HCN2: variants seen among roughly 807,000 people sequenced by gnomAD.
The protein encoded by HCN2 is hyperpolarization activated cyclic nucleotide gated potassium and sodium channel 2.
HCN2 carries 20 observed loss-of-function variants against 52.3 expected under a neutral mutation model. The observed-to-expected ratio is 0.38, with a 90% CI of 0.27 to 0.56. The LOEUF (loss-of-function observed/expected upper bound fraction) is 0.56. Among genes scored for constraint, HCN2 ranks in the 20% least tolerant of loss-of-function variants. The pLI is 0.71. For synonymous variants in HCN2, 694 were observed against 537.0 expected (o/e 1.29, Z -4.04); for missense variants, 981 against 1,207.7 (o/e 0.81, Z 2.78).
chr19:613,818 C>T lies in HCN2; in HGVS notation c.1826-34C>T, dbSNP rs200565536. ...GCGGGGAGGGCCGCGGCGCCCGCCTCGTCCAGCAACCCCCCCCTGCGCGCC... is the reference window on the plus strand; with the variant it reads ...GCGGGGAGGGCCGCGGCGCCCGCCTTGTCCAGCAACCCCCCCCTGCGCGCC... On this transcript the variant is annotated intron_variant, in intron 6 of 7. Coordinates refer to ENST00000251287, the MANE Select transcript of HCN2 (RefSeq NM_001194.4). The T allele has an allele frequency of 2.1e-4, 315 of 1,479,892 alleles. 4 individuals are homozygous for T. The South Asian group carries it at 2.6e-3, about 12-fold the overall frequency. 91.7% of individuals were successfully genotyped at this position (1,479,892 alleles called of 1,614,324 possible). A position where few individuals can be genotyped will look rare whatever the true frequency, so the allele number is the denominator to read the frequency against.
intron 1 of HCN2, among the ~76,000 whole-genome samples, chr19:603,098 A>G (rs1235345727): frequency 1.4e-5 from 2 of 145,526 alleles, no homozygotes. Flanking sequence ...GGCTGGTCCC[A>G]TAGGTGCCTG....
At chr19:595,927 C>A (rs756755381) in intron 1 of HCN2, among the ~76,000 whole-genome samples, 2 of 152,188 alleles carry the variant, frequency 1.3e-5, no homozygotes, top group Admixed American at 6.5e-5. Flanking sequence ...TGAGGCTGGG[C>A]TCCTGCGGGG....
chr19:602,633 T>A (rs1258949022), intron 1 of HCN2, among the ~76,000 whole-genome samples: 1 of 152,214 alleles, frequency 6.6e-6, no homozygotes, highest in African/African-American at 2.4e-5. Flanking sequence ...CCCTGCTGCT[T>A]CCCAGTGCCC....
rs565117674 is a variant in HCN2, at chr19:615,468, C to T, written c.1991-327C>T. On this transcript the variant is annotated intron_variant, in intron 7 of 7. Transcript: ENST00000251287. The stretch of plus-strand genomic sequence containing the variant: ...GGTGGACCTTGCAGTGGGCCGAGAT[C>T]GCGCCACTGCACTCCAGCCCGGGCG... Among the ~76,000 whole-genome samples, 11 of 152,294 alleles carry T rather than the reference C, an allele frequency of 7.2e-5. No individual in the cohort carries two copies. The East Asian group carries it at 2.1e-3, about 29-fold the overall frequency.
chr19:608,322 G>A (rs1307775479), intron 4 of HCN2, 140 bp downstream of exon 4: 1 of 770,760 alleles, frequency 1.3e-6, no homozygotes, highest in Non-Finnish European at 2.1e-6. Context: ...CTGGAGGGAG[G>A]CCTTGCCCTG....
At position 592,310 on chromosome 19, in the gene HCN2, C is replaced by T. The variant is rs1167763341; in HGVS notation, c.632+1733C>T. ...CAGGTGGAGGCCCACACCAGCCACTCCCTCCCCTGGGCAGCTCCAGCGACC... is the reference window on the plus strand; with the variant it reads ...CAGGTGGAGGCCCACACCAGCCACTTCCTCCCCTGGGCAGCTCCAGCGACC... On this transcript the variant is annotated intron_variant, in intron 1 of 7. Transcript: ENST00000251287. This position sits in a 1 kb window ranked among gnomAD's most constrained non-coding sequence, Gnocchi z 4.8. 1.3e-5 allele frequency among the ~76,000 whole-genome samples: 2 copies of T among 152,218 alleles called. No homozygotes were observed. The highest frequency in any genetic ancestry group is 2.9e-5 in the Non-Finnish European group (2 of 68,022).
At chr19:609,466 A>G (rs1320565027) in intron 4 of HCN2, among the ~76,000 whole-genome samples, 3 of 152,188 alleles carry the variant, frequency 2.0e-5, no homozygotes, top group African/African-American at 7.2e-5. Flanking sequence ...GGGTTGCTAG[A>G]TAAAGTTCAG....
chr19:603,429 A>C, intron 1 of HCN2, 115 bp from the exon 2 acceptor site: 2 of 739,808 alleles, frequency 2.7e-6, no homozygotes, highest in South Asian at 1.8e-5. Context: ...TCCTCGGAGG[A>C]GGCACTGGCT....
chr19:600,391 A>G (rs1444177837), intron 1 of HCN2, among the ~76,000 whole-genome samples: 12 of 151,452 alleles, frequency 7.9e-5, no homozygotes, highest in Admixed American at 7.9e-4. Flanking sequence ...GCCAGGCTGG[A>G]GTGCCATGGC....
intron 5 of HCN2, among the ~76,000 whole-genome samples, chr19:612,867 C>CG (rs1983704848): frequency 6.8e-6 from 1 of 147,318 alleles, no homozygotes; most frequent in African/African-American, 2.5e-5. Context: ...CCGGTAGAGA[C>CG]GGGGGTCTTA....
At chr19:604,986 G>A in intron 2 of HCN2, 75 bp from the exon 3 acceptor site, 11 of 1,475,560 alleles carry the variant, frequency 7.5e-6, no homozygotes, top group Middle Eastern at 2.5e-4. Context: ...CGCAGTGGGG[G>A]CGCACGGGGC....
rs201079443 is a variant in HCN2, at chr19:610,220, G to A, written c.1438-39G>A. The A allele has an allele frequency of 5.9e-5, 95 of 1,597,914 alleles. 1 individual carries two copies. The highest frequency in any genetic ancestry group is 5.0e-4 in the African/African-American group (36 of 71,870). On this transcript the variant is annotated intron_variant, in intron 4 of 7. Coordinates refer to ENST00000251287, the MANE Select transcript of HCN2 (RefSeq NM_001194.4). ...GGTGCCCCTGTGCCCGCTGCAGGCC[G>A]GGGGCGGTGTCTGACCCAGCCTCGC...
intron 4 of HCN2, 93 bp from the exon 5 acceptor site, chr19:610,166 C>G: frequency 6.8e-7 from 1 of 1,466,366 alleles, no homozygotes; most frequent in South Asian, 1.2e-5. Context: ...CGGTGTCTGA[C>G]CCAGCCTCGC....
intron 3 of HCN2, among the ~76,000 whole-genome samples, chr19:605,919 G>A (rs996813967): frequency 8.5e-5 from 13 of 152,144 alleles, no homozygotes; most frequent in Non-Finnish European, 1.3e-4. Context: ...CTGCAGCCCC[G>A]GCACTGGCCC....
rs1022070445 is a variant in HCN2 at position 610,381 on chromosome 19, C to T, written c.1560C>T (p.Gly520=). 5.6e-6 allele frequency: 9 copies of T among 1,613,348 alleles called. No homozygotes were observed. Among genetic ancestry groups the T allele is most frequent in the Admixed American group, 3.3e-5 (2 of 59,988 alleles). Residue 520 remains glycine, a synonymous_variant, in exon 5 of 8, where the codon GGC becomes GGT. Coordinates refer to ENST00000251287, the MANE Select transcript of HCN2 (RefSeq NM_001194.4). ...GKMFDEDSIL[G]ELNGPLREEI... ...TGTTTGACGAGGACAGCATCCTGGG[C>T]GAGCTCAACGGGCCCCTGCGGGAGG...
At chr19:612,005 C>T (rs957248331) in intron 5 of HCN2, among the ~76,000 whole-genome samples, 19 of 152,068 alleles carry the variant, frequency 1.2e-4, no homozygotes, top group African/African-American at 3.9e-4. Context: ...ATTAGCCGGG[C>T]GTGGTGGTGG....
In HCN2 at chr19:610,380, G is replaced by A; in HGVS notation, c.1559G>A (p.Gly520Asp). 5.0e-6 allele frequency: 8 copies of A among 1,613,608 alleles called. No homozygotes were observed. The highest frequency in any genetic ancestry group is 6.8e-6 in the Non-Finnish European group (8 of 1,179,730). Residue 520 changes from glycine to aspartate, a missense_variant, in exon 5 of 8, where the codon GGC (glycine) becomes GAC (aspartate). Around this residue, in one of 6 missense-constraint regions of HCN2, gnomAD observed 282 missense variants for 553.8 expected, o/e 0.51. Coordinates refer to ENST00000251287, the MANE Select transcript of HCN2 (RefSeq NM_001194.4). ...GKMFDEDSIL[G>D]ELNGPLREEI... is the part of the protein sequence containing the mutation. The stretch of plus-strand genomic sequence containing the variant: ...ATGTTTGACGAGGACAGCATCCTGG[G>A]CGAGCTCAACGGGCCCCTGCGGGAG...
chr19:590,167 G>A lies in HCN2; in HGVS notation c.222G>A (p.Arg74=). 1.0e-6 allele frequency: 1 copy of A among 977,662 alleles called. No individual in the cohort carries two copies. The allele number at this position is 977,662 out of a possible 1,614,324, so 60.6% of individuals were successfully genotyped here. A position where few individuals can be genotyped will look rare whatever the true frequency, so the allele number is the denominator to read the frequency against. ...EAADEGGPRG[R]LRSRDSSCGR... ...CGGATGAGGGCGGCCCGCGGGGCCG[G>A]CTCCGCAGCCGCGACAGCTCGTGCG... Residue 74 remains arginine (R), a synonymous_variant, in exon 1 of 8, where the codon CGG becomes CGA. Coordinates refer to ENST00000251287, the MANE Select transcript of HCN2 (RefSeq NM_001194.4). This position sits in a 1 kb window ranked among gnomAD's most constrained non-coding sequence, Gnocchi z 7.2.
In HCN2 at chr19:592,618, C is replaced by T. The variant is rs1982907170; in HGVS notation, c.632+2041C>T. Among the ~76,000 whole-genome samples, 1 of 152,066 alleles carries T rather than the reference C, an allele frequency of 6.6e-6. No homozygotes were observed. The highest frequency in any genetic ancestry group is 2.1e-4 in the South Asian group (1 of 4,826). ...GAATGGGGTTAGCGGGGCCTGTCTTCGGGACTAGGGGAGTCACGGCAGTCA... is the reference window on the plus strand; with the variant it reads ...GAATGGGGTTAGCGGGGCCTGTCTTTGGGACTAGGGGAGTCACGGCAGTCA... On this transcript the variant is annotated intron_variant, in intron 1 of 7. Coordinates refer to ENST00000251287, the MANE Select transcript of HCN2 (RefSeq NM_001194.4). This position sits in a 1 kb window ranked among gnomAD's most constrained non-coding sequence, Gnocchi z 4.8.
Sources: gnomAD v4.1 joint callset for allele counts (sites outside exome capture counted in the v4.1 genomes callset) on GRCh38, gnomAD v4.1.1 for gene constraint, gnomAD v4.1.1 regional missense constraint, Gnocchi (gnomAD v3.1) non-coding constraint, MANE v1.5 for transcripts, NCBI Gene and HGNC (gene_info 2026-07-23, HGNC 2026-07-21) for gene names.